Variants in KCNV2 observed in about 807,000 individuals in gnomAD.
The protein encoded by KCNV2 is potassium voltage-gated channel subfamily V member 2.
KCNV2 carries 65 observed loss-of-function variants against 37.0 expected under a neutral mutation model. The observed-to-expected ratio is 1.76, with a 90% CI of 1.44 to 2.16. KCNV2 has a LOEUF of 2.16. Ranked by LOEUF, KCNV2 falls within the 30% of genes most tolerant of loss-of-function variation. The pLI is 0.00. For synonymous variants in KCNV2, 518 were observed against 328.6 expected, an observed-to-expected ratio of 1.58 and a Z score of -6.23; for missense variants, 1,232 against 766.7, an observed-to-expected ratio of 1.61 and a Z score of -7.17.
intron 1 of KCNV2, among the ~76,000 whole-genome samples, chr9:2,726,889 G>A (rs904277611): frequency 2.6e-5 from 4 of 152,136 alleles, no homozygotes. Flanking sequence ...GATCTAGGTT[G>A]CTTGCTCCTT....
rs775290203 is a variant in KCNV2 at position 2,718,919 on chromosome 9, T to C, written c.1180T>C (p.Ser394Pro). 1 of 1,609,218 alleles carries C rather than the reference T, an allele frequency of 6.2e-7. No homozygotes were observed. The highest frequency in any genetic ancestry group is 1.1e-5 in the South Asian group (1 of 91,082). Residue 394 changes from serine to proline, a missense_variant, in exon 1 of 2, where the codon TCC (serine) becomes CCC (proline). Transcript: ENST00000382082. ...CCGCATCCTCAAGCTGGCGCGCCAC[T>C]CCACCGGACTGCGTGCCTTCGGCTT... ...IFRILKLARH[S>P]TGLRAFGFTL...
Position 2,718,123 on chromosome 9 carries a change from C to A in KCNV2, c.384C>A (p.Thr128=). 1 of 1,603,636 alleles carries A rather than the reference C, an allele frequency of 6.2e-7. No homozygotes were observed. The highest frequency in any genetic ancestry group is 8.5e-7 in the Non-Finnish European group (1 of 1,175,572). Residue 128 remains threonine, a synonymous_variant, in exon 1 of 2, where the codon ACC becomes ACA. Transcript: ENST00000382082. ...AGACGCGCCTAGGTCGCCTGGCCACCTCCACCAGCCGCAGCCGCCAGCTAA... is the reference window on the plus strand; with the variant it reads ...AGACGCGCCTAGGTCGCCTGGCCACATCCACCAGCCGCAGCCGCCAGCTAA... ...FPKTRLGRLA[T]STSRSRQLSL... is the part of the protein sequence containing the mutation.
Position 2,718,847 on chromosome 9 carries a change from G to C in KCNV2, c.1108G>C (p.Gly370Arg), listed in dbSNP as rs1307515949. Residue 370 changes from glycine (G) to arginine (R), a missense_variant, in exon 1 of 2, where the codon GGT becomes CGT. Coordinates refer to ENST00000382082, the MANE Select transcript of KCNV2 (RefSeq NM_133497.4). ...HQRGQTVGSV[G>R]KVGQVLRVMR... is the part of the protein sequence containing the mutation. The stretch of plus-strand genomic sequence containing the variant: ...ACGCGGCCAGACGGTGGGCAGCGTG[G>C]GTAAGGTGGGTCAGGTGTTGCGCGT... 1.9e-6 allele frequency: 3 copies of C among 1,609,218 alleles called. No individual in the cohort carries two copies. The highest frequency in any genetic ancestry group is 1.3e-5 in the African/African-American group (1 of 74,938).
At position 2,718,122 on chromosome 9, in the gene KCNV2, C is replaced by G; in HGVS notation, c.383C>G (p.Thr128Ser). Reference protein sequence around the residue: ...FPKTRLGRLATSTSRSRQLSL... With the variant: ...FPKTRLGRLASSTSRSRQLSL... ...AAGACGCGCCTAGGTCGCCTGGCCA[C>G]CTCCACCAGCCGCAGCCGCCAGCTA... The change falls in exon 1 of 2, where the codon ACC becomes AGC. Residue 128 changes from threonine (T) to serine (S), a missense_variant. Physicochemically the swap from Thr to Ser is moderately conservative, Grantham distance 58 (BLOSUM62 1). Coordinates refer to ENST00000382082, the MANE Select transcript of KCNV2 (RefSeq NM_133497.4). 6.2e-7 allele frequency: 1 copy of G among 1,603,420 alleles called. No homozygotes were observed. Among genetic ancestry groups the G allele is most frequent in the Non-Finnish European group, 8.5e-7 (1 of 1,175,508 alleles).
At position 2,719,036 on chromosome 9, in the gene KCNV2, G is replaced by C. The variant is rs1347428321; in HGVS notation, c.1297G>C (p.Glu433Gln). 1 of 1,612,806 alleles carries C rather than the reference G, an allele frequency of 6.2e-7. No individual in the cohort carries two copies. Among genetic ancestry groups the C allele is most frequent in the African/African-American group, 1.3e-5 (1 of 75,044 alleles). The part of the protein sequence containing the change: ...FTFSAAVYSV[E>Q]HDVPSTNFTT... The stretch of plus-strand genomic sequence containing the variant: ...TTTCTCTGCGGCTGTCTACTCTGTG[G>C]AGCACGATGTGCCCAGCACCAACTT... Residue 433 changes from glutamate (E) to glutamine (Q), a missense_variant, in exon 1 of 2, where the codon GAG becomes CAG. Physicochemically the swap from Glu to Gln is conservative, Grantham distance 29. Coordinates refer to ENST00000382082, the MANE Select transcript of KCNV2 (RefSeq NM_133497.4).
At position 2,718,870 on chromosome 9, in the gene KCNV2, C is replaced by T. The variant is rs767518507; in HGVS notation, c.1131C>T (p.Arg377=). The change falls in exon 1 of 2, where the codon CGC becomes CGT. Residue 377 remains arginine, a synonymous_variant. Transcript: ENST00000382082. ...TGGGTAAGGTGGGTCAGGTGTTGCG[C>T]GTCATGCGCCTCATGCGCATCTTCC... ...GSVGKVGQVL[R]VMRLMRIFRI... The T allele has an allele frequency of 2.7e-5, 43 of 1,608,850 alleles. No homozygotes were observed. The highest frequency in any genetic ancestry group is 3.5e-5 in the Non-Finnish European group (41 of 1,179,984).
At position 2,718,947 on chromosome 9, in the gene KCNV2, C is replaced by G; in HGVS notation, c.1208C>G (p.Thr403Arg). 1 of 1,609,992 alleles carries G rather than the reference C, an allele frequency of 6.2e-7. No individual in the cohort carries two copies. The highest frequency in any genetic ancestry group is 8.5e-7 in the Non-Finnish European group (1 of 1,180,010). Reference protein sequence around the residue: ...HSTGLRAFGFTLRQCYQQVGC... With the variant: ...HSTGLRAFGFRLRQCYQQVGC... The stretch of plus-strand genomic sequence containing the variant: ...ACCGGACTGCGTGCCTTCGGCTTCA[C>G]GCTGCGCCAGTGCTACCAGCAGGTG... Residue 403 changes from threonine (T) to arginine (R), a missense_variant, in exon 1 of 2, where the codon ACG becomes AGG. Transcript: ENST00000382082.
In KCNV2 at chr9:2,718,328, C is replaced by CGCT; in HGVS notation, c.595_597dup (p.Cys199dup). 6.2e-7 allele frequency: 1 copy of CGCT among 1,603,334 alleles called. No individual in the cohort carries two copies. Among genetic ancestry groups the CGCT allele is most frequent in the Non-Finnish European group, 8.5e-7 (1 of 1,177,046 alleles). On this transcript the variant is annotated inframe_insertion, in exon 1 of 2. Transcript: ENST00000382082. ...GGGCGTGCGGCTCAAGTACACGCCA[C>CGCT]GCTGCTGCCGCATCTGCTTCGAGGA...
Position 2,719,204 on chromosome 9 carries a change from C to T in KCNV2, c.1356+109C>T, listed in dbSNP as rs118098044. ...GCTTTGGCTTCTGATCCTCGTCTTC[C>T]CCCCCACCCCCAATCGCCGCATACA... On this transcript the variant is annotated intron_variant, in intron 1 of 1. Coordinates refer to ENST00000382082, the MANE Select transcript of KCNV2 (RefSeq NM_133497.4). 1.9e-3 allele frequency: 2,342 copies of T among 1,231,192 alleles called. 41 individuals are homozygous for T. The East Asian group carries it at 0.039, about 20-fold the overall frequency. The allele number at this position is 1,231,192 out of a possible 1,614,324, so 76.3% of individuals were successfully genotyped here. A position where few individuals can be genotyped will look rare whatever the true frequency, so the allele number is the denominator to read the frequency against.
In KCNV2 at chr9:2,729,754, AT is replaced by A. The variant is rs1399704000; in HGVS notation, c.*29del. The A allele has an allele frequency of 1.2e-5, 19 of 1,611,458 alleles. No homozygotes were observed. In the Middle Eastern group the frequency reaches 2.5e-3, roughly 210 times the overall value. On this transcript the variant is annotated 3_prime_UTR_variant, in exon 2 of 2. Coordinates refer to ENST00000382082, the MANE Select transcript of KCNV2 (RefSeq NM_133497.4). The stretch of plus-strand genomic sequence containing the variant: ...ATTTTATAGGACATGTGGCTGGTAG[AT>A]TCCATGAACTTCAAGGCTTCATTGC...
intron 1 of KCNV2, among the ~76,000 whole-genome samples, chr9:2,729,023 C>T (rs1820017664): frequency 6.6e-6 from 1 of 152,116 alleles, no homozygotes; most frequent in Admixed American, 6.5e-5. Context: ...CCAATACATA[C>T]AGTGTACAGG....
intron 1 of KCNV2, among the ~76,000 whole-genome samples, chr9:2,725,147 T>C (rs1178229845): frequency 6.6e-6 from 1 of 152,200 alleles, no homozygotes; most frequent in South Asian, 2.1e-4. Context: ...AGCATCATTA[T>C]TGCGCACCTT....
Position 2,718,137 on chromosome 9 carries a change from G to A in KCNV2, c.398G>A (p.Ser133Asn), listed in dbSNP as rs199735148. 39 of 1,609,180 alleles carry A rather than the reference G, an allele frequency of 2.4e-5. No homozygotes were observed. The Admixed American group carries it at 6.4e-4, about 27-fold the overall frequency. Residue 133 changes from serine to asparagine, a missense_variant, in exon 1 of 2, where the codon AGC becomes AAC. Physicochemically the swap from Ser to Asn is conservative, Grantham distance 46. Transcript: ENST00000382082. The stretch of plus-strand genomic sequence containing the variant: ...CGCCTGGCCACCTCCACCAGCCGCA[G>A]CCGCCAGCTAAGCCTGTGCGACGAC... ...LGRLATSTSR[S>N]RQLSLCDDYE...
intron 1 of KCNV2, among the ~76,000 whole-genome samples, chr9:2,722,000 A>C (rs1390685864): frequency 6.7e-6 from 1 of 149,032 alleles, no homozygotes; most frequent in African/African-American, 2.5e-5. Flanking sequence ...GCACATACCC[A>C]TGATAAATGT....
chr9:2,719,443 T>C (rs772161259), intron 1 of KCNV2, among the ~76,000 whole-genome samples: 1 of 152,104 alleles, frequency 6.6e-6, no homozygotes, highest in Non-Finnish European at 1.5e-5. Context: ...CATTGTGGCA[T>C]CACAGCCTTT....
rs1288879384 is a variant in KCNV2, at chr9:2,718,974, G to A, written c.1235G>A (p.Gly412Asp). The A allele has an allele frequency of 1.9e-6, 3 of 1,611,248 alleles. No homozygotes were observed. The East Asian group carries it at 6.7e-5, about 36-fold the overall frequency. Residue 412 changes from glycine to aspartate, a missense_variant, in exon 1 of 2, where the codon GGC becomes GAC. By Grantham distance (94) the Gly-to-Asp change is moderately conservative (BLOSUM62 -1). Transcript: ENST00000382082. Reference protein sequence around the residue: ...FTLRQCYQQVGCLLLFIAMGI... With the variant: ...FTLRQCYQQVDCLLLFIAMGI... ...CTGCGCCAGTGCTACCAGCAGGTGG[G>A]CTGCCTGCTGCTCTTCATCGCCATG...
Position 2,717,859 on chromosome 9 carries a change from G to C in KCNV2, c.120G>C (p.Gln40His), listed in dbSNP as rs765065154. ...ICSLGARSGSQASIHGWTEGN... is the reference protein window; with the variant it reads ...ICSLGARSGSHASIHGWTEGN... ...CCCTGGGTGCCCGTTCCGGCTCCCA[G>C]GCCAGCATCCACGGCTGGACAGAGG... Residue 40 changes from glutamine (Q) to histidine (H), a missense_variant, in exon 1 of 2, where the codon CAG becomes CAC. By Grantham distance (24) the Gln-to-His change is conservative. Transcript: ENST00000382082. 1.2e-6 allele frequency: 2 copies of C among 1,614,184 alleles called. No individual in the cohort carries two copies. Among genetic ancestry groups the C allele is most frequent in the South Asian group, 1.1e-5 (1 of 91,084 alleles).
rs1342429625 is a variant in KCNV2 at position 2,718,898 on chromosome 9, A to G, written c.1159A>G (p.Ile387Val). The G allele has an allele frequency of 3.1e-6, 5 of 1,609,008 alleles. No individual in the cohort carries two copies. Among genetic ancestry groups the G allele is most frequent in the Non-Finnish European group, 4.2e-6 (5 of 1,180,006 alleles). ...CATGCGCCTCATGCGCATCTTCCGCATCCTCAAGCTGGCGCGCCACTCCAC... is the reference window on the plus strand; with the variant it reads ...CATGCGCCTCATGCGCATCTTCCGCGTCCTCAAGCTGGCGCGCCACTCCAC... ...RVMRLMRIFR[I>V]LKLARHSTGL... The change falls in exon 1 of 2, where the codon ATC (isoleucine) becomes GTC (valine). Residue 387 changes from isoleucine to valine, a missense_variant. Transcript: ENST00000382082.
rs1444275335 is a variant in KCNV2 at position 2,718,986 on chromosome 9, T to C, written c.1247T>C (p.Leu416Pro). ...TACCAGCAGGTGGGCTGCCTGCTGC[T>C]CTTCATCGCCATGGGCATCTTCACT... ...QCYQQVGCLLLFIAMGIFTFS... is the reference protein window; with the variant it reads ...QCYQQVGCLLPFIAMGIFTFS... Residue 416 changes from leucine to proline, a missense_variant, in exon 1 of 2, where the codon CTC (leucine) becomes CCC (proline). Physicochemically the swap from Leu to Pro is moderately conservative, Grantham distance 98 (BLOSUM62 -3). Coordinates refer to ENST00000382082, the MANE Select transcript of KCNV2 (RefSeq NM_133497.4). The C allele has an allele frequency of 4.3e-6, 7 of 1,612,010 alleles. No homozygotes were observed. The highest frequency in any genetic ancestry group is 1.3e-5 in the African/African-American group (1 of 74,960).
Sources: allele counts gnomAD v4.1 joint callset (sites outside exome capture counted in the v4.1 genomes callset), GRCh38; gene constraint gnomAD v4.1.1; transcripts MANE v1.5; gene names NCBI Gene and HGNC (gene_info 2026-07-23, HGNC 2026-07-21).